The following AGPS variants were observed in gnomAD, a reference collection of about 807,000 sequenced individuals.
AGPS encodes the protein alkyldihydroxyacetonephosphate synthase, peroxisomal.
Under a neutral mutation model 90.7 loss-of-function variants are expected in AGPS, and 26 were observed. The observed-to-expected ratio is 0.29, with a 90% CI of 0.21 to 0.40. The LOEUF (loss-of-function observed/expected upper bound fraction) is 0.40, where lower values mean the gene tolerates loss of function less well. AGPS is among the 10% of genes least tolerant of loss of function. The pLI is 1.00. For synonymous variants in AGPS, 294 were observed against 285.3 expected, an observed-to-expected ratio of 1.03 and a Z score of -0.31; for missense variants, 540 against 816.1, an observed-to-expected ratio of 0.66 and a Z score of 4.12.
In AGPS at chr2:177,540,821, G is replaced by A. The variant is rs1226758278; in HGVS notation, c.*2626G>A. The A allele has an allele frequency of 6.6e-6, 1 of 152,060 alleles. No homozygotes were observed. Among genetic ancestry groups the A allele is most frequent in the African/African-American group, 2.4e-5 (1 of 41,414 alleles). 9.4% of individuals were successfully genotyped at this position (152,060 alleles called of 1,614,324 possible). ...CAGTGGGAATAGTAACTTGCCGCTA[G>A]TGAGAAATGGCATTGAATACTAAAG... On this transcript the variant is annotated 3_prime_UTR_variant, in exon 20 of 20. Coordinates refer to ENST00000264167, the MANE Select transcript of AGPS (RefSeq NM_003659.4).
chr2:177,460,991 A>G (rs1687275631), intron 8 of AGPS, among the ~76,000 whole-genome samples: 1 of 152,238 alleles, frequency 6.6e-6, no homozygotes, highest in African/African-American at 2.4e-5. Context: ...TTCACACCAT[A>G]CTTAAATACA....
intron 19 of AGPS, among the ~76,000 whole-genome samples, chr2:177,525,938 G>T (rs969478596): frequency 2.0e-5 from 3 of 152,114 alleles, no homozygotes; most frequent in African/African-American, 7.2e-5. Context: ...GAGCTTCTTG[G>T]TAGGCTCTAA....
At chr2:177,473,444 A>ATAAAGGCCCAT (rs1687685356) in intron 10 of AGPS, among the ~76,000 whole-genome samples, 2 of 152,190 alleles carry the variant, frequency 1.3e-5, no homozygotes, top group Non-Finnish European at 2.9e-5. Flanking sequence ...GAAACAGAAA[A>ATAAAGGCCCAT]TTCTGAAGTT....
rs114545453 is a variant in AGPS at position 177,530,700 on chromosome 2, T to C, written c.1855+6895T>C. On this transcript the variant is annotated intron_variant, in intron 19 of 19. Coordinates refer to ENST00000264167, the MANE Select transcript of AGPS (RefSeq NM_003659.4). ...TTTCACTATCTGGCAACAGGCTGGT[T>C]TGTCTGCCTACAATCATGCTGTGAT... 6.7e-3 allele frequency among the ~76,000 whole-genome samples: 1,014 copies of C among 152,306 alleles called. 11 individuals are homozygous for C. The highest frequency in any genetic ancestry group is 0.024 in the African/African-American group (987 of 41,564).
chr2:177,406,917 G>A (rs1162578184), intron 1 of AGPS, among the ~76,000 whole-genome samples: 1 of 152,210 alleles, frequency 6.6e-6, no homozygotes, highest in Non-Finnish European at 1.5e-5. Context: ...AGAAGGGAAA[G>A]TTTAAATGCC....
chr2:177,403,196 A>G (rs1685377002), intron 1 of AGPS, among the ~76,000 whole-genome samples: 1 of 152,216 alleles, frequency 6.6e-6, no homozygotes, highest in African/African-American at 2.4e-5. Context: ...ACTAAGGAAG[A>G]CTGATGTGTC....
At chr2:177,402,958 G>A (rs1685370188) in intron 1 of AGPS, among the ~76,000 whole-genome samples, 1 of 152,218 alleles carries the variant, frequency 6.6e-6, no homozygotes, top group South Asian at 2.1e-4. Flanking sequence ...TCTGGAGGCT[G>A]AGGCAGGAGA....
chr2:177,531,191 CA>C (rs2105741409), intron 19 of AGPS, among the ~76,000 whole-genome samples: 1 of 152,048 alleles, frequency 6.6e-6, no homozygotes, highest in Non-Finnish European at 1.5e-5. Context: ...TAGTGTGAAA[CA>C]AAAGGCATAT....
intron 8 of AGPS, among the ~76,000 whole-genome samples, chr2:177,450,963 C>T (rs201497609): frequency 3.1e-4 from 2 of 6,356 alleles, no homozygotes; most frequent in Admixed American, 2.6e-3. Context: ...ACATGTCTTT[C>T]ATATATATAT....
At chr2:177,485,484 G>A (rs187198504) in intron 11 of AGPS, among the ~76,000 whole-genome samples, 1 of 152,276 alleles carries the variant, frequency 6.6e-6, no homozygotes, top group East Asian at 1.9e-4. Context: ...AAGTGACACA[G>A]AAGACCTACT....
chr2:177,452,934 T>A (rs969147033), intron 8 of AGPS, among the ~76,000 whole-genome samples: 1 of 152,080 alleles, frequency 6.6e-6, no homozygotes, highest in Non-Finnish European at 1.5e-5. Context: ...TTAAATAATA[T>A]GAAAGCATCT....
chr2:177,436,036 T>C (rs924216159), intron 3 of AGPS, among the ~76,000 whole-genome samples: 3 of 152,156 alleles, frequency 2.0e-5, no homozygotes, highest in Non-Finnish European at 4.4e-5. Flanking sequence ...TTTATAATTA[T>C]GTTGTGAGTT....
In AGPS at chr2:177,543,218, C is replaced by A. The variant is rs148879448; in HGVS notation, c.*5023C>A. On this transcript the variant is annotated 3_prime_UTR_variant, in exon 20 of 20. Transcript: ENST00000264167. ...TTCTTTCTGGATGTTTGCTCACAGG[C>A]TCCCTGAGGAGCAGAACCTGTGGAG... The A allele has an allele frequency of 6.6e-3, 999 of 152,276 alleles. 8 individuals are homozygous for A. The highest frequency in any genetic ancestry group is 0.014 in the Middle Eastern group (4 of 294). The allele number at this position is 152,276 out of a possible 1,614,324, so 9.4% of individuals were successfully genotyped here. A position where few individuals can be genotyped will look rare whatever the true frequency, so the allele number is the denominator to read the frequency against.
intron 8 of AGPS, among the ~76,000 whole-genome samples, chr2:177,450,547 A>T (rs1261193546): frequency 6.6e-6 from 1 of 152,154 alleles, no homozygotes; most frequent in Admixed American, 6.5e-5. Flanking sequence ...ATTGGAAAAG[A>T]TTATCCTTTC....
At chr2:177,441,284 T>C in intron 6 of AGPS, 2 of 434,378 alleles carry the variant, frequency 4.6e-6, no homozygotes, top group Non-Finnish European at 4.1e-6. Flanking sequence ...ATTTAATGCC[T>C]GAATAACAAA....
chr2:177,463,956 T>C (rs1687371984), intron 9 of AGPS, among the ~76,000 whole-genome samples: 1 of 152,174 alleles, frequency 6.6e-6, no homozygotes, highest in Non-Finnish European at 1.5e-5. Flanking sequence ...TTTGTTTGTT[T>C]TTGAGACAGA....
chr2:177,400,418 T>C (rs545659520), intron 1 of AGPS, among the ~76,000 whole-genome samples: 14 of 152,286 alleles, frequency 9.2e-5, no homozygotes, highest in African/African-American at 2.9e-4. Context: ...TTTTGTATAG[T>C]TTTCTTAAAA....
At chr2:177,516,323 A>G (rs993705727) in intron 17 of AGPS, among the ~76,000 whole-genome samples, 1 of 152,132 alleles carries the variant, frequency 6.6e-6, no homozygotes, top group Non-Finnish European at 1.5e-5. Context: ...GTTATATGGG[A>G]AGTAATTGCT....
intron 2 of AGPS, among the ~76,000 whole-genome samples, chr2:177,429,661 A>G (rs1686182078): frequency 6.6e-6 from 1 of 152,146 alleles, no homozygotes; most frequent in African/African-American, 2.4e-5. Context: ...AGGCTGTGAA[A>G]CAGCAAAGAT....
Sources: gnomAD v4.1 joint callset for allele counts (sites outside exome capture counted in the v4.1 genomes callset) on GRCh38, gnomAD v4.1.1 for gene constraint, MANE v1.5 for transcripts, NCBI Gene and HGNC (gene_info 2026-07-23, HGNC 2026-07-21) for gene names.